Variants in XPO7 observed in about 807,000 individuals in gnomAD.
XPO7 encodes exportin 7.
A neutral mutation model predicts 144.3 loss-of-function variants in XPO7; 21 were observed. That is an observed-to-expected ratio of 0.15 (90% CI 0.10 to 0.21). The LOEUF is 0.21. Among genes scored for constraint, XPO7 ranks in the 10% least tolerant of loss-of-function variants. The pLI is 1.00. For missense variants in XPO7, 808 were observed against 1,325.8 expected, an observed-to-expected ratio of 0.61 and a Z score of 6.06; for synonymous variants, 580 against 499.6, an observed-to-expected ratio of 1.16 and a Z score of -2.15.
chr8:21,931,927 C>T (rs1258888272), intron 1 of XPO7, among the ~76,000 whole-genome samples: 1 of 152,156 alleles, frequency 6.6e-6, no homozygotes, highest in Non-Finnish European at 1.5e-5. Flanking sequence ...GGTTGGAGTG[C>T]AGTGGCGCGG....
chr8:21,946,527 C>T (rs1484748706), intron 1 of XPO7, among the ~76,000 whole-genome samples: 1 of 143,014 alleles, frequency 7.0e-6, no homozygotes, highest in South Asian at 2.2e-4. Context: ...GGGTAAGATA[C>T]CACGAAATAA....
intron 16 of XPO7, among the ~76,000 whole-genome samples, chr8:21,990,000 C>T (rs535897852): frequency 2.2e-4 from 33 of 151,292 alleles, no homozygotes; most frequent in African/African-American, 7.0e-4. Context: ...CAGGCACCCG[C>T]CACCATGCCC....
At chr8:21,919,874 G>T (rs564333413) in intron 1 of XPO7, 86 bp downstream of exon 1, 2 of 302,152 alleles carry the variant, frequency 6.6e-6, no homozygotes, top group Non-Finnish European at 1.3e-5. Flanking sequence ...GGCGCCAGCC[G>T]GCTCGGGACT....
At chr8:21,950,794 G>T (rs1811343907) in intron 1 of XPO7, among the ~76,000 whole-genome samples, 1 of 151,860 alleles carries the variant, frequency 6.6e-6, no homozygotes, top group African/African-American at 2.4e-5. Context: ...GAATACCAAT[G>T]GGATTTTTAT....
chr8:22,002,071 C>G, intron 24 of XPO7, 41 bp from the exon 25 acceptor site: 1 of 1,565,644 alleles, frequency 6.4e-7, no homozygotes, highest in Non-Finnish European at 8.7e-7. Context: ...TCCAGGCCAC[C>G]ATCAGCAGCT....
chr8:21,958,500 C>A (rs1163088761), intron 1 of XPO7, among the ~76,000 whole-genome samples: 2 of 151,928 alleles, frequency 1.3e-5, no homozygotes, highest in African/African-American at 4.8e-5. Flanking sequence ...TAAGTTACAT[C>A]ACAGCCGTCT....
chr8:21,942,301 T>G (rs531081367), intron 1 of XPO7, among the ~76,000 whole-genome samples: 1 of 152,368 alleles, frequency 6.6e-6, no homozygotes, highest in Non-Finnish European at 1.5e-5. Flanking sequence ...AGAGCTTTTA[T>G]GTGGCTTACA....
intron 1 of XPO7, among the ~76,000 whole-genome samples, chr8:21,958,430 G>A (rs527955556): frequency 3.6e-4 from 55 of 152,222 alleles, no homozygotes; most frequent in African/African-American, 1.3e-3. Context: ...TTAAACTAAT[G>A]GCCAAAAGCA....
At position 21,964,124 on chromosome 8, in the gene XPO7, C is replaced by T. The variant is rs572960807; in HGVS notation, c.19-2733C>T. The T allele has an allele frequency of 2.6e-5, 4 of 152,288 alleles. No individual in the cohort carries two copies. In the South Asian group the frequency reaches 8.3e-4, roughly 32 times the overall value. 9.4% of individuals were successfully genotyped at this position (152,288 alleles called of 1,614,324 possible). On this transcript the variant is annotated intron_variant, in intron 1 of 27. Coordinates refer to ENST00000252512, the MANE Select transcript of XPO7 (RefSeq NM_015024.5). ...CACCTTTCACTTTTATAAAGCATTT[C>T]ACCAAATGTGCTTTTCTATTCCAGC...
chr8:22,003,273 T>A lies in XPO7; in HGVS notation c.2998T>A (p.Ser1000Thr), dbSNP rs1813216208. ...CTTTGAAGACTGTAGGAACCAGTGGTCTATGTCCCGACCACTACTTGGCTT... is the reference window on the plus strand; with the variant it reads ...CTTTGAAGACTGTAGGAACCAGTGGACTATGTCCCGACCACTACTTGGCTT... ...IIFEDCRNQW[S>T]MSRPLLGLIL... The change falls in exon 26 of 28, where the codon TCT becomes ACT. Residue 1000 changes from serine (S) to threonine (T), a missense_variant. By Grantham distance (58) the Ser-to-Thr change is moderately conservative. Around this residue, in one of 5 missense-constraint regions of XPO7, gnomAD observed 140 missense variants for 237.9 expected, o/e 0.59. Transcript: ENST00000252512. 1 of 1,613,100 alleles carries A rather than the reference T, an allele frequency of 6.2e-7. No homozygotes were observed. Among genetic ancestry groups the A allele is most frequent in the African/African-American group, 1.3e-5 (1 of 74,916 alleles).
At chr8:21,986,162 G>T (rs1377701013) in intron 13 of XPO7, among the ~76,000 whole-genome samples, 1 of 145,400 alleles carries the variant, frequency 6.9e-6, no homozygotes, top group Non-Finnish European at 1.5e-5. Flanking sequence ...TTTGGAGATG[G>T]AGTCTCGCTC....
chr8:21,954,579 A>C (rs1392108630), intron 1 of XPO7, among the ~76,000 whole-genome samples: 1 of 152,212 alleles, frequency 6.6e-6, no homozygotes, highest in Non-Finnish European at 1.5e-5. Flanking sequence ...GGTTGCAGTG[A>C]GCTGAGATCT....
At chr8:21,998,624 T>TA (rs1329712752) in intron 21 of XPO7, 131 bp from the exon 22 acceptor site, 3 of 662,680 alleles carry the variant, frequency 4.5e-6, no homozygotes, top group Non-Finnish European at 7.7e-6. Flanking sequence ...GTTATTCTCA[T>TA]ATTAGGATAG....
intron 5 of XPO7, among the ~76,000 whole-genome samples, chr8:21,972,780 T>TG (rs1812109066): frequency 1.3e-5 from 2 of 152,230 alleles, no homozygotes; most frequent in African/African-American, 2.4e-5. Flanking sequence ...GCATTACTGT[T>TG]GCTATTGCTC....
intron 1 of XPO7, among the ~76,000 whole-genome samples, chr8:21,964,657 G>A (rs1465222267): frequency 6.6e-6 from 1 of 151,880 alleles, no homozygotes; most frequent in African/African-American, 2.4e-5. Flanking sequence ...TGTGTAAATG[G>A]TCAAATTGCG....
intron 16 of XPO7, among the ~76,000 whole-genome samples, chr8:21,989,886 G>C (rs951605480): frequency 2.1e-5 from 2 of 95,670 alleles, no homozygotes; most frequent in African/African-American, 7.6e-5. Context: ...GTCTTGCTCT[G>C]TTGCCCAGGC....
At chr8:21,991,424 A>G (rs1330184919) in intron 18 of XPO7, among the ~76,000 whole-genome samples, 2 of 152,212 alleles carry the variant, frequency 1.3e-5, no homozygotes, top group African/African-American at 2.4e-5. Context: ...ATTTAATCCT[A>G]CTAAAATGAC....
chr8:21,987,814 T>C lies in XPO7; in HGVS notation c.1744T>C (p.Leu582=), dbSNP rs530986680. 3 of 1,613,982 alleles carry C rather than the reference T, an allele frequency of 1.9e-6. No homozygotes were observed. The African/African-American group carries it at 4.0e-5, about 22-fold the overall frequency. Residue 582 remains leucine, a synonymous_variant, in exon 15 of 28, where the codon TTG becomes CTG. Transcript: ENST00000252512. ...LYRRLSEVLG[L]NDETMVLSVF... ...CCGCCGACTCTCAGAAGTTCTGGGC[T>C]TGAATGATGAGACCATGGTCCTAAG... is the stretch of plus-strand genomic sequence containing the variant.
rs1170364778 is a variant in XPO7, at chr8:21,989,821, C to CTTTTTTTTTTTTTTTTTTTTTTTTTTTTT, written c.1869-505_1869-477dup. 5.9e-4 allele frequency among the ~76,000 whole-genome samples: 35 copies of CTTTTTTTTTTTTTTTTTTTTTTTTTTTTT among 59,708 alleles called. 12 individuals are homozygous for CTTTTTTTTTTTTTTTTTTTTTTTTTTTTT. Among genetic ancestry groups the CTTTTTTTTTTTTTTTTTTTTTTTTTTTTT allele is most frequent in the Non-Finnish European group, 1.1e-3 (31 of 27,884 alleles). The allele number at this position is 59,708 out of a possible 152,430, so 39.2% of individuals were successfully genotyped here. A position where few individuals can be genotyped will look rare whatever the true frequency, so the allele number is the denominator to read the frequency against. On this transcript the variant is annotated intron_variant, in intron 16 of 27. Coordinates refer to ENST00000252512, the MANE Select transcript of XPO7 (RefSeq NM_015024.5). Reference sequence around the variant, plus strand: ...AATAGGAGTTTGGTATAGGTGTTTCCTTTTTTTTTTTTTTTTTTTTTTTTT... The same window carrying CTTTTTTTTTTTTTTTTTTTTTTTTTTTTT: ...AATAGGAGTTTGGTATAGGTGTTTCCTTTTTTTTTTTTTTTTTTTTTTTTTTTTTTTTTTTTTTTTTTTTTTTTTTTTTT...
Sources: allele counts gnomAD v4.1 joint callset (sites outside exome capture counted in the v4.1 genomes callset), GRCh38; gene constraint gnomAD v4.1.1; regional missense constraint gnomAD v4.1.1; transcripts MANE v1.5; gene names NCBI Gene and HGNC (gene_info 2026-07-23, HGNC 2026-07-21).